Variants in FXR1 observed in about 807,000 individuals in gnomAD.
FXR1 encodes the protein RNA-binding protein FXR1.
Under a neutral mutation model 84.0 loss-of-function variants are expected in FXR1, and 15 were observed. The observed-to-expected ratio is 0.18, with a 90% confidence interval of 0.12 to 0.27. The LOEUF (loss-of-function observed/expected upper bound fraction) is 0.27. FXR1 is among the 10% of genes least tolerant of loss of function. The pLI, the probability that FXR1 is intolerant of heterozygous loss-of-function variation, is 1.00. For synonymous variants in FXR1, 245 were observed against 250.7 expected (o/e 0.98, Z 0.21); for missense variants, 480 against 774.4 (o/e 0.62, Z 4.51).
rs1714439254 is a variant in FXR1, at chr3:180,978,580, C to T, written c.*2288C>T. The T allele has an allele frequency of 6.6e-6, 1 of 152,010 alleles. No homozygotes were observed. Among genetic ancestry groups the T allele is most frequent in the African/African-American group, 2.4e-5 (1 of 41,396 alleles). The allele number at this position is 152,010 out of a possible 1,614,324, so 9.4% of individuals were successfully genotyped here. A position where few individuals can be genotyped will look rare whatever the true frequency, so the allele number is the denominator to read the frequency against. On this transcript the variant is annotated 3_prime_UTR_variant, in exon 17 of 17. Transcript: ENST00000357559. Reference sequence around the variant, plus strand: ...CTTGCCACTATACACTAAACAGACACTTAAGCAAAAGATGTATTCTGGAGC... The same window carrying T: ...CTTGCCACTATACACTAAACAGACATTTAAGCAAAAGATGTATTCTGGAGC...
intron 1 of FXR1, among the ~76,000 whole-genome samples, chr3:180,931,320 G>T (rs1719874999): frequency 6.6e-6 from 1 of 152,010 alleles, no homozygotes; most frequent in African/African-American, 2.4e-5. Context: ...TTGGGTTCAA[G>T]CGATCCTCCT....
intron 1 of FXR1, among the ~76,000 whole-genome samples, chr3:180,922,885 A>G (rs1174592822): frequency 6.6e-6 from 1 of 152,088 alleles, no homozygotes; most frequent in African/African-American, 2.4e-5. Flanking sequence ...AAGTGCTGGG[A>G]TTACAGGTGT....
intron 15 of FXR1, among the ~76,000 whole-genome samples, chr3:180,973,246 G>A (rs115732722): frequency 0.01 from 1,545 of 152,216 alleles, 9 homozygotes; most frequent in Non-Finnish European, 0.011. Context: ...TTTAGGTAGC[G>A]GATACCCCAG....
intron 3 of FXR1, among the ~76,000 whole-genome samples, chr3:180,937,402 A>C (rs2108449048): frequency 6.6e-6 from 1 of 152,214 alleles, no homozygotes; most frequent in African/African-American, 2.4e-5. Context: ...CCTGTCCAGG[A>C]GGGTCCTTCC....
At chr3:180,937,642 T>C (rs1295118553) in intron 3 of FXR1, among the ~76,000 whole-genome samples, 2 of 152,042 alleles carry the variant, frequency 1.3e-5, no homozygotes, top group African/African-American at 2.4e-5. Flanking sequence ...AAAATTAATA[T>C]AAGGAAAAAG....
intron 7 of FXR1, among the ~76,000 whole-genome samples, chr3:180,951,059 A>AT (rs1467320016): frequency 1.3e-5 from 2 of 151,822 alleles, no homozygotes; most frequent in Admixed American, 1.3e-4. Context: ...CAAAAAATAA[A>AT]TTAAAAAAAA....
chr3:180,966,830 T>C (rs1216966069), intron 13 of FXR1, among the ~76,000 whole-genome samples: 1 of 152,084 alleles, frequency 6.6e-6, no homozygotes. Context: ...TTTGGTCATA[T>C]AAGAGGGAAA....
chr3:180,932,127 A>AT (rs1267249344), intron 1 of FXR1, among the ~76,000 whole-genome samples: 2 of 121,558 alleles, frequency 1.6e-5, no homozygotes, highest in Non-Finnish European at 3.5e-5. Flanking sequence ...TTTTCCCTTT[A>AT]TTCTCTTCTT....
At chr3:180,931,026 C>CAAAAAAAAAAAAAA (rs57731098) in intron 1 of FXR1, among the ~76,000 whole-genome samples, 768 of 55,484 alleles carry the variant, frequency 0.014, 76 homozygotes, top group African/African-American at 0.024. Context: ...GAGACTGCCT[C>CAAAAAAAAAAAAAA]AAAAAAAAAA....
At chr3:180,918,900 G>A (rs1037731728) in intron 1 of FXR1, among the ~76,000 whole-genome samples, 1 of 152,158 alleles carries the variant, frequency 6.6e-6, no homozygotes, top group Non-Finnish European at 1.5e-5. Context: ...TGAGAATACT[G>A]AGGCTAAGTG....
intron 7 of FXR1, among the ~76,000 whole-genome samples, chr3:180,951,061 TAAAA>T (rs971599705): frequency 6.9e-6 from 1 of 145,528 alleles, no homozygotes; most frequent in Non-Finnish European, 1.5e-5. Context: ...AAAAATAAAT[TAAAA>T]AAAAAAAATT....
At chr3:180,933,046 A>G (rs1720114620) in intron 1 of FXR1, 2 of 326,004 alleles carry the variant, frequency 6.1e-6, no homozygotes, top group South Asian at 4.6e-5. Flanking sequence ...TCACAATACT[A>G]AATAACTGCC....
At chr3:180,943,265 CTTTTTT>C (rs71182562) in intron 3 of FXR1, among the ~76,000 whole-genome samples, 2 of 27,638 alleles carry the variant, frequency 7.2e-5, no homozygotes, top group African/African-American at 1.4e-4. Context: ...CTGTGCCCGG[CTTTTTT>C]TTTTTTTTTT....
chr3:180,974,459 G>A (rs1239817897), intron 15 of FXR1, among the ~76,000 whole-genome samples: 3 of 152,152 alleles, frequency 2.0e-5, no homozygotes, highest in African/African-American at 7.2e-5. Flanking sequence ...TTCAGTTCTT[G>A]AAGAGAGAGT....
chr3:180,916,151 A>G (rs1717865984), intron 1 of FXR1, among the ~76,000 whole-genome samples: 3 of 152,230 alleles, frequency 2.0e-5, no homozygotes. Flanking sequence ...CTTGAAAAAG[A>G]AAGTTTTAAT....
At chr3:180,922,411 G>A (rs905588898) in intron 1 of FXR1, among the ~76,000 whole-genome samples, 1 of 152,140 alleles carries the variant, frequency 6.6e-6, no homozygotes, top group Non-Finnish European at 1.5e-5. Context: ...GAATTTTAAT[G>A]TTGTTTGCCA....
chr3:180,952,525 C>T (rs1361011726), intron 8 of FXR1, among the ~76,000 whole-genome samples: 1 of 151,528 alleles, frequency 6.6e-6, no homozygotes, highest in Admixed American at 6.6e-5. Context: ...CCATTGTCCT[C>T]TAGCCTGAGC....
chr3:180,937,178 T>C (rs1720619282), intron 3 of FXR1, among the ~76,000 whole-genome samples: 1 of 152,232 alleles, frequency 6.6e-6, no homozygotes, highest in Non-Finnish European at 1.5e-5. Context: ...GTTTTTTGGA[T>C]TTTGAGTAAG....
chr3:180,944,576 C>T (rs1721495614), intron 3 of FXR1, among the ~76,000 whole-genome samples: 1 of 152,120 alleles, frequency 6.6e-6, no homozygotes, highest in Non-Finnish European at 1.5e-5. Context: ...GTCCTCCTGC[C>T]TCAGCCTCCA....
Sources: gnomAD v4.1 joint callset for allele counts (sites outside exome capture counted in the v4.1 genomes callset) on GRCh38, gnomAD v4.1.1 for gene constraint, MANE v1.5 for transcripts, NCBI Gene and HGNC (gene_info 2026-07-23, HGNC 2026-07-21) for gene names.